Variants in NFIA observed in about 807,000 individuals in gnomAD.
NFIA encodes nuclear factor I A.
Under a neutral mutation model 62.8 loss-of-function variants are expected in NFIA, and 8 were observed. The ratio of observed to expected loss-of-function variants is 0.13; its 90% CI spans 0.07 to 0.23. The LOEUF (loss-of-function observed/expected upper bound fraction) is 0.23, where lower values mean the gene tolerates loss of function less well. Among genes scored for constraint, NFIA ranks in the 10% least tolerant of loss-of-function variants. NFIA has a pLI of 1.00. For missense variants in NFIA, 410 were observed against 642.1 expected, an observed-to-expected ratio of 0.64 and a Z score of 3.91; for synonymous variants, 235 against 238.1, an observed-to-expected ratio of 0.99 and a Z score of 0.12.
intron 8 of NFIA, 36 bp downstream of exon 8, chr1:61,404,318 T>C: frequency 7.7e-6 from 12 of 1,554,228 alleles, no homozygotes; most frequent in Non-Finnish European, 1.0e-5. Context: ...TCTTTAGAAA[T>C]GTTAGCCGAA....
intron 6 of NFIA, among the ~76,000 whole-genome samples, chr1:61,379,180 A>G (rs1196607237): frequency 6.6e-6 from 1 of 152,150 alleles, no homozygotes; most frequent in Non-Finnish European, 1.5e-5. Flanking sequence ...AGGATTATAT[A>G]AGGCATCATT....
chr1:61,171,533 A>C (rs1269239321), intron 2 of NFIA, among the ~76,000 whole-genome samples: 1 of 152,244 alleles, frequency 6.6e-6, no homozygotes, highest in Non-Finnish European at 1.5e-5. Flanking sequence ...TTAAAGCCTC[A>C]TCTTTGTTAA....
chr1:61,341,133 G>A (rs563192467), intron 4 of NFIA, among the ~76,000 whole-genome samples: 98 of 144,630 alleles, frequency 6.8e-4, no homozygotes, highest in Middle Eastern at 7.4e-3. Context: ...GCGTGATCTC[G>A]GCTCACTGCA....
intron 2 of NFIA, among the ~76,000 whole-genome samples, chr1:61,197,861 A>T (rs1652142126): frequency 6.6e-6 from 1 of 151,980 alleles, no homozygotes; most frequent in South Asian, 2.1e-4. Flanking sequence ...GGTGCCAGTA[A>T]TTCCAGCTAC....
At position 61,462,046 on chromosome 1, in the gene NFIA, T is replaced by C. The variant is rs1668561393; in HGVS notation, c.*6726T>C. On this transcript the variant is annotated 3_prime_UTR_variant, in exon 11 of 11. Transcript: ENST00000403491. The stretch of plus-strand genomic sequence containing the variant: ...TGGGTTTTTTTTTTTTTTTTTTGGC[T>C]TTTTTTTTTGTTTGTTTTTTTTTCT... The C allele has an allele frequency of 8.8e-6, 1 of 113,430 alleles. No individual in the cohort carries two copies. Among genetic ancestry groups the C allele is most frequent in the Non-Finnish European group, 1.8e-5 (1 of 56,582 alleles). 7.0% of individuals were successfully genotyped at this position (113,430 alleles called of 1,614,324 possible).
chr1:61,081,790 G>C, upstream of NFIA: 1 of 1,355,176 alleles, frequency 7.4e-7, no homozygotes, highest in Non-Finnish European at 9.9e-7. Flanking sequence ...GCTGCACAAA[G>C]TTTGCAGGAT....
At chr1:61,161,876 C>A (rs1317949904) in intron 2 of NFIA, among the ~76,000 whole-genome samples, 1 of 152,100 alleles carries the variant, frequency 6.6e-6, no homozygotes. Context: ...AAGCATGTTT[C>A]TGCATATAAT....
chr1:61,455,150 G>T (rs1464675635), intron 10 of NFIA, among the ~76,000 whole-genome samples, 153 bp from the exon 11 acceptor site: 3 of 152,160 alleles, frequency 2.0e-5, no homozygotes, highest in Admixed American at 6.5e-5. Context: ...AGTGTCACAG[G>T]ATTTTTTATT....
At chr1:61,285,366 A>G (rs1658419987) in intron 3 of NFIA, among the ~76,000 whole-genome samples, 1 of 152,144 alleles carries the variant, frequency 6.6e-6, no homozygotes, top group African/African-American at 2.4e-5. Context: ...TTAAATTTGA[A>G]TGTGAATTTG....
At chr1:61,139,535 C>T (rs395936) in intron 2 of NFIA, among the ~76,000 whole-genome samples, 141,095 of 152,212 alleles carry the variant, frequency 0.93, 65,620 homozygotes, top group Middle Eastern at 0.97. Flanking sequence ...GTAACTTTGC[C>T]GAAAGCTAGT....
chr1:61,303,311 T>C, intron 3 of NFIA, among the ~76,000 whole-genome samples: 1 of 152,286 alleles, frequency 6.6e-6, no homozygotes, highest in East Asian at 1.9e-4. Context: ...AATAATAAAA[T>C]CCCTGCCCCT....
intron 2 of NFIA, among the ~76,000 whole-genome samples, chr1:61,092,873 G>T (rs1309740933): frequency 6.6e-6 from 1 of 151,754 alleles, no homozygotes; most frequent in Non-Finnish European, 1.5e-5. Context: ...TCTGTGTAGG[G>T]GCGTGTGTGT....
chr1:61,091,748 G>C (rs1237741536), intron 2 of NFIA, among the ~76,000 whole-genome samples: 1 of 151,994 alleles, frequency 6.6e-6, no homozygotes, highest in South Asian at 2.1e-4. Context: ...AATTTAAGTT[G>C]TTAAGGTCAT....
intron 2 of NFIA, among the ~76,000 whole-genome samples, chr1:61,260,304 G>A (rs1656680216): frequency 6.6e-6 from 1 of 152,180 alleles, no homozygotes; most frequent in Non-Finnish European, 1.5e-5. Flanking sequence ...TTCGAGCAGT[G>A]AGCAGGCGCC....
intron 3 of NFIA, among the ~76,000 whole-genome samples, chr1:61,320,553 G>A (rs1460629621): frequency 6.6e-6 from 1 of 152,140 alleles, no homozygotes; most frequent in Non-Finnish European, 1.5e-5. Context: ...AAAAGTAATT[G>A]TAAGGATTTT....
chr1:61,115,070 C>T (rs1237300401), intron 2 of NFIA, among the ~76,000 whole-genome samples: 1 of 152,210 alleles, frequency 6.6e-6, no homozygotes, highest in African/African-American at 2.4e-5. Context: ...ACCTACACCT[C>T]CCGGGTTCAA....
At chr1:61,138,149 A>T (rs540108912) in intron 2 of NFIA, among the ~76,000 whole-genome samples, 22 of 152,072 alleles carry the variant, frequency 1.4e-4, no homozygotes, top group Non-Finnish European at 2.8e-4. Flanking sequence ...ATGCTGGAGT[A>T]CATTGGTGAG....
chr1:61,391,718 A>T (rs1268676335), intron 7 of NFIA, among the ~76,000 whole-genome samples: 1 of 152,146 alleles, frequency 6.6e-6, no homozygotes, highest in Non-Finnish European at 1.5e-5. Context: ...TACTACTGTA[A>T]TTGTGGCACC....
At chr1:61,392,981 C>CACGT (rs1665058020) in intron 7 of NFIA, among the ~76,000 whole-genome samples, 1 of 152,054 alleles carries the variant, frequency 6.6e-6, no homozygotes. Flanking sequence ...GGCATAGACC[C>CACGT]ACGTATCCAT....
Sources: gnomAD v4.1 joint callset for allele counts (sites outside exome capture counted in the v4.1 genomes callset) on GRCh38, gnomAD v4.1.1 for gene constraint, MANE v1.5 for transcripts, NCBI Gene and HGNC (gene_info 2026-07-23, HGNC 2026-07-21) for gene names.